Variants in BBS12 observed in about 807,000 individuals in gnomAD.
BBS12 encodes Bardet-Biedl syndrome 12, also known as chaperonin-containing T-complex member BBS12.
BBS12 carries 5 observed loss-of-function variants against 5.6 expected under a neutral mutation model. That is an observed-to-expected ratio of 0.89 (90% CI 0.46 to 1.86). The LOEUF is 1.86. Among genes scored for constraint, BBS12 ranks in the 40% most tolerant of loss-of-function variants. BBS12 has a pLI of 0.01. For synonymous variants in BBS12, 308 were observed against 306.8 expected, an observed-to-expected ratio of 1.00 and a Z score of -0.04; for missense variants, 748 against 830.4, an observed-to-expected ratio of 0.90 and a Z score of 1.22.
At chr4:122,718,715 A>G in the BBS12 span, among the ~76,000 whole-genome samples, 2 of 114,082 alleles carry the variant, frequency 1.8e-5, no homozygotes, top group Non-Finnish European at 1.7e-5. Flanking sequence ...ATTCGATGTG[A>G]AATGAAATGA....
chr4:122,718,906 C>T, the BBS12 span, among the ~76,000 whole-genome samples: 1 of 152,142 alleles, frequency 6.6e-6, no homozygotes, highest in African/African-American at 2.4e-5. Flanking sequence ...GCAACCTCTG[C>T]CTTCCCGGGT....
chr4:122,743,897 A>G lies in BBS12; in HGVS notation c.2005A>G (p.Lys669Glu). 6.2e-7 allele frequency: 1 copy of G among 1,604,782 alleles called. No homozygotes were observed. The highest frequency in any genetic ancestry group is 2.2e-5 in the East Asian group (1 of 44,842). Reference sequence around the variant, plus strand: ...GAGAGTTTATGACGTTGTTACACCAAAGATTGAGGCGTGGCGCCGAGCATT... The same window carrying G: ...GAGAGTTTATGACGTTGTTACACCAGAGATTGAGGCGTGGCGCCGAGCATT... Reference protein sequence around the residue: ...IPRVYDVVTPKIEAWRRALDL... With the variant: ...IPRVYDVVTPEIEAWRRALDL... The change falls in exon 2 of 2, where the codon AAG (lysine) becomes GAG (glutamate). Residue 669 changes from lysine (K) to glutamate (E), a missense_variant. By Grantham distance (56) the Lys-to-Glu change is moderately conservative. Transcript: ENST00000314218.
At chr4:122,721,002 A>G in the BBS12 span, among the ~76,000 whole-genome samples, 3 of 152,072 alleles carry the variant, frequency 2.0e-5, no homozygotes, top group Non-Finnish European at 4.4e-5. Flanking sequence ...CTTACTTTTC[A>G]ACAGACATTA....
At chr4:122,702,049 C>G in the BBS12 span, among the ~76,000 whole-genome samples, 4 of 152,146 alleles carry the variant, frequency 2.6e-5, no homozygotes, top group Admixed American at 2.6e-4. Flanking sequence ...AGAATTTCTT[C>G]TAAAGATCCA....
At chr4:122,713,707 C>A in the BBS12 span, among the ~76,000 whole-genome samples, 1 of 152,118 alleles carries the variant, frequency 6.6e-6, no homozygotes. Context: ...ACAGATCACT[C>A]CTTGTGGTGT....
rs763765486 is a variant in BBS12, at chr4:122,743,097, A to G, written c.1205A>G (p.Gln402Arg). 2.0e-5 allele frequency: 32 copies of G among 1,614,156 alleles called. No homozygotes were observed. The highest frequency in any genetic ancestry group is 2.6e-5 in the Non-Finnish European group (31 of 1,180,050). The change falls in exon 2 of 2, where the codon CAG becomes CGG. Residue 402 changes from glutamine to arginine, a missense_variant. By Grantham distance (43) the Gln-to-Arg change is conservative. Coordinates refer to ENST00000314218, the MANE Select transcript of BBS12 (RefSeq NM_152618.3). Reference sequence around the variant, plus strand: ...GAACTGTGGGCAAATCACGTGTTACAGGTGTTAATCCAGTTCAAGGTGAAC... The same window carrying G: ...GAACTGTGGGCAAATCACGTGTTACGGGTGTTAATCCAGTTCAAGGTGAAC... ...SEELWANHVL[Q>R]VLIQFKVNLV...
chr4:122,719,415 C>T, the BBS12 span, among the ~76,000 whole-genome samples: 4 of 152,122 alleles, frequency 2.6e-5, no homozygotes, highest in East Asian at 1.9e-4. Flanking sequence ...GTCGTGGAAG[C>T]TTTGTTCTTT....
At chr4:122,715,855 T>C in the BBS12 span, among the ~76,000 whole-genome samples, 364 of 152,318 alleles carry the variant, frequency 2.4e-3, 3 homozygotes, top group African/African-American at 8.4e-3. Context: ...TGGGTCAAAT[T>C]TTTTATATAC....
chr4:122,743,521 A>G lies in BBS12; in HGVS notation c.1629A>G (p.Glu543=). Residue 543 remains glutamate (E), a synonymous_variant, in exon 2 of 2, where the codon GAA becomes GAG. Coordinates refer to ENST00000314218, the MANE Select transcript of BBS12 (RefSeq NM_152618.3). The stretch of plus-strand genomic sequence containing the variant: ...TCTTCCTTGGAGGTGGTGCAGTTGA[A>G]TTTTTGTGTCTTAGCTGTCTTCATA... ...EKVFLGGGAV[E]FLCLSCLHIL... The G allele has an allele frequency of 6.2e-7, 1 of 1,614,174 alleles. No individual in the cohort carries two copies. The highest frequency in any genetic ancestry group is 1.1e-5 in the South Asian group (1 of 91,088).
chr4:122,719,115 G>A, the BBS12 span, among the ~76,000 whole-genome samples: 4 of 152,150 alleles, frequency 2.6e-5, no homozygotes, highest in African/African-American at 9.7e-5. Flanking sequence ...CACCGCGCCT[G>A]GCCTCTCTTT....
chr4:122,718,623 T>C, the BBS12 span, among the ~76,000 whole-genome samples: 15 of 151,940 alleles, frequency 9.9e-5, no homozygotes, highest in Admixed American at 2.0e-4. Context: ...GAAATTTTAA[T>C]GGATTGAAGA....
the BBS12 span, among the ~76,000 whole-genome samples, chr4:122,716,671 G>A: frequency 1.6e-5 from 1 of 61,268 alleles, no homozygotes; most frequent in African/African-American, 7.4e-5. Context: ...ATACACATAT[G>A]TGTATATATA....
the BBS12 span, among the ~76,000 whole-genome samples, chr4:122,725,775 G>A: frequency 5.9e-5 from 9 of 151,776 alleles, no homozygotes; most frequent in Non-Finnish European, 1.2e-4. Flanking sequence ...GCACGAGCCT[G>A]TAGTCCCAGC....
the BBS12 span, among the ~76,000 whole-genome samples, chr4:122,723,590 T>C: frequency 2.0e-5 from 3 of 152,108 alleles, no homozygotes; most frequent in African/African-American, 7.2e-5. Flanking sequence ...GTCTTTGGAG[T>C]TGCAAAAGTT....
At chr4:122,737,105 TTCGCTCTAAGTTCTC>T (rs1363418248) in intron 1 of BBS12, among the ~76,000 whole-genome samples, 4 of 152,226 alleles carry the variant, frequency 2.6e-5, no homozygotes, top group Non-Finnish European at 5.9e-5. Flanking sequence ...ACTGTTTCCA[TTCGCTCTAAGTTCTC>T]TCTGACTTTT....
rs1800948514 is a variant in BBS12 at position 122,744,102 on chromosome 4, A to G, written c.*77A>G. On this transcript the variant is annotated 3_prime_UTR_variant, in exon 2 of 2. Transcript: ENST00000314218. ...TAATAAATATATTGATAGCCAAGTCATGGTGCCTAAAATGCCAGCTATTGC... is the reference window on the plus strand; with the variant it reads ...TAATAAATATATTGATAGCCAAGTCGTGGTGCCTAAAATGCCAGCTATTGC... The G allele has an allele frequency of 3.4e-6, 5 of 1,455,320 alleles. No individual in the cohort carries two copies. Among genetic ancestry groups the G allele is most frequent in the Non-Finnish European group, 4.8e-6 (5 of 1,042,242 alleles). 90.2% of individuals were successfully genotyped at this position (1,455,320 alleles called of 1,614,324 possible). A position where few individuals can be genotyped will look rare whatever the true frequency, so the allele number is the denominator to read the frequency against.
chr4:122,737,331 G>T (rs1056401796), intron 1 of BBS12, among the ~76,000 whole-genome samples: 2 of 152,198 alleles, frequency 1.3e-5, no homozygotes, highest in African/African-American at 4.8e-5. Context: ...CTAAAAGGCA[G>T]AATTATATAG....
the BBS12 span, among the ~76,000 whole-genome samples, chr4:122,723,582 C>G: frequency 6.6e-6 from 1 of 152,148 alleles, no homozygotes; most frequent in African/African-American, 2.4e-5. Flanking sequence ...ATCAGTCTGT[C>G]TTTGGAGTTG....
chr4:122,732,866 G>A lies in BBS12; in HGVS notation c.-29G>A, dbSNP rs919541685. On this transcript the variant is annotated 5_prime_UTR_variant, in exon 1 of 2. Coordinates refer to ENST00000314218, the MANE Select transcript of BBS12 (RefSeq NM_152618.3). ...AGCCGGGAACTCCAGCCCCCTGTAG[G>A]AGAGGAGAAAGGAGCGAGGTTAGTA... 2.0e-5 allele frequency: 3 copies of A among 152,520 alleles called. No homozygotes were observed. The highest frequency in any genetic ancestry group is 2.0e-4 in the Admixed American group (3 of 15,304). The allele number at this position is 152,520 out of a possible 1,614,324, so 9.4% of individuals were successfully genotyped here.
Sources: gnomAD v4.1 joint callset for allele counts (sites outside exome capture counted in the v4.1 genomes callset) on GRCh38, gnomAD v4.1.1 for gene constraint, MANE v1.5 for transcripts, NCBI Gene and HGNC (gene_info 2026-07-23, HGNC 2026-07-21) for gene names.